GPHN: variants seen among roughly 807,000 people sequenced by gnomAD.
GPHN encodes gephyrin.
In GPHN, 17 loss-of-function variants were observed where a neutral mutation model predicts 95.5. That is an observed-to-expected ratio of 0.18 (90% CI 0.12 to 0.27). The LOEUF (loss-of-function observed/expected upper bound fraction) is 0.27. GPHN is among the 10% of genes least tolerant of loss of function. The probability of loss-of-function intolerance (pLI) is 1.00; values close to 1 mark genes in which losing one functional copy is unlikely to be tolerated. For missense variants in GPHN, 660 were observed against 978.1 expected (o/e 0.67, Z 4.34); for synonymous variants, 320 against 322.5 (o/e 0.99, Z 0.08).
chr14:66,941,783 A>G (rs1352060079), intron 8 of GPHN, among the ~76,000 whole-genome samples: 1 of 152,174 alleles, frequency 6.6e-6, no homozygotes, highest in Non-Finnish European at 1.5e-5. Context: ...GAAGTTAAGA[A>G]TACTCACAGA....
At chr14:67,551,584 TC>T in the GPHN span, among the ~76,000 whole-genome samples, 4 of 152,116 alleles carry the variant, frequency 2.6e-5, no homozygotes, top group African/African-American at 9.7e-5. Context: ...TGCCATTCTC[TC>T]CCGTGGGTGC....
chr14:67,678,376 A>G, the GPHN span: 4 of 1,614,118 alleles, frequency 2.5e-6, no homozygotes, highest in Admixed American at 3.3e-5. Flanking sequence ...CCGCCTTGCT[A>G]TAGTCTCATT....
At chr14:67,279,054 G>T in the GPHN span, 14 of 941,948 alleles carry the variant, frequency 1.5e-5, no homozygotes, top group Admixed American at 3.5e-5. Flanking sequence ...GCATTATTAT[G>T]TGATGTGAGA....
the GPHN span, among the ~76,000 whole-genome samples, chr14:67,614,511 T>C: frequency 6.6e-6 from 1 of 151,996 alleles, no homozygotes; most frequent in Non-Finnish European, 1.5e-5. Flanking sequence ...ATGCCTGTAA[T>C]CTCAGTTTTG....
At chr14:67,002,959 G>A (rs2072341986) in intron 9 of GPHN, among the ~76,000 whole-genome samples, 1 of 151,592 alleles carries the variant, frequency 6.6e-6, no homozygotes, top group Admixed American at 6.6e-5. Context: ...AACTTAACCT[G>A]ACATCAGCAC....
At chr14:67,163,140 A>G (rs1053763127) in intron 19 of GPHN, among the ~76,000 whole-genome samples, 6 of 152,072 alleles carry the variant, frequency 3.9e-5, no homozygotes, top group African/African-American at 4.8e-5. Context: ...CCTCATCTCT[A>G]TTAAAAATAA....
At chr14:67,073,840 T>C (rs1427418330) in intron 11 of GPHN, among the ~76,000 whole-genome samples, 1 of 152,228 alleles carries the variant, frequency 6.6e-6, no homozygotes. Flanking sequence ...GAAAGCTATG[T>C]ATTTTATAAG....
chr14:67,670,567 C>A, the GPHN span, among the ~76,000 whole-genome samples: 1 of 148,152 alleles, frequency 6.7e-6, no homozygotes, highest in Non-Finnish European at 1.5e-5. Context: ...GGTTTGTTAC[C>A]TTTTTTTTTT....
At chr14:66,747,463 A>G (rs1281836698) in intron 2 of GPHN, among the ~76,000 whole-genome samples, 1 of 152,140 alleles carries the variant, frequency 6.6e-6, no homozygotes, top group African/African-American at 2.4e-5. Flanking sequence ...TATAAATTAG[A>G]TGTTAATTCA....
At chr14:67,577,132 A>G in the GPHN span, among the ~76,000 whole-genome samples, 1 of 152,204 alleles carries the variant, frequency 6.6e-6, no homozygotes, top group Admixed American at 6.5e-5. Flanking sequence ...TGCTCATTGC[A>G]GTGCCCACCT....
chr14:67,112,692 T>G (rs2078447189), intron 15 of GPHN, among the ~76,000 whole-genome samples: 1 of 152,194 alleles, frequency 6.6e-6, no homozygotes, highest in Non-Finnish European at 1.5e-5. Flanking sequence ...CAATTGGTAT[T>G]TTTACTATAA....
chr14:67,693,095 G>A, the GPHN span: 14 of 1,388,438 alleles, frequency 1.0e-5, no homozygotes, highest in East Asian at 1.9e-4. Flanking sequence ...TCATTCTACT[G>A]TCTCAGCCAG....
intron 10 of GPHN, among the ~76,000 whole-genome samples, chr14:67,047,578 G>A (rs1055033589): frequency 6.6e-6 from 1 of 152,066 alleles, no homozygotes; most frequent in African/African-American, 2.4e-5. Flanking sequence ...GTTACCCAGA[G>A]TGGTCTCAAA....
At chr14:67,232,252 G>A in the GPHN span, among the ~76,000 whole-genome samples, 1 of 152,202 alleles carries the variant, frequency 6.6e-6, no homozygotes, top group Admixed American at 6.5e-5. Flanking sequence ...GTGGAAGCCA[G>A]CTGTCACATC....
At chr14:66,665,317 A>T (rs537966057) in intron 1 of GPHN, among the ~76,000 whole-genome samples, 1 of 152,354 alleles carries the variant, frequency 6.6e-6, no homozygotes, top group Admixed American at 6.5e-5. Context: ...CAGGCAACCT[A>T]CAGAATGGGA....
At chr14:66,833,492 T>A (rs1043918730) in intron 4 of GPHN, among the ~76,000 whole-genome samples, 1 of 152,148 alleles carries the variant, frequency 6.6e-6, no homozygotes, top group African/African-American at 2.4e-5. Context: ...ATTCAGAGAT[T>A]CCTTGGAAAC....
At chr14:67,383,453 C>CA in the GPHN span, 1 of 1,612,026 alleles carries the variant, frequency 6.2e-7, no homozygotes, top group Non-Finnish European at 8.5e-7. Context: ...TTGTGGGAAA[C>CA]AGAGTCCAAT....
the GPHN span, among the ~76,000 whole-genome samples, chr14:67,610,317 C>A: frequency 6.6e-6 from 1 of 152,046 alleles, no homozygotes; most frequent in Admixed American, 6.6e-5. Flanking sequence ...AGTGCAGAGG[C>A]CAAGATAACT....
chr14:66,783,879 A>G (rs2059685599), intron 3 of GPHN, among the ~76,000 whole-genome samples: 2 of 152,208 alleles, frequency 1.3e-5, no homozygotes, highest in Admixed American at 1.3e-4. Context: ...CATGTCCATA[A>G]GGCCCTTGTG....
Sources: allele counts gnomAD v4.1 joint callset (sites outside exome capture counted in the v4.1 genomes callset), GRCh38; gene constraint gnomAD v4.1.1; transcripts MANE v1.5; gene names NCBI Gene and HGNC (gene_info 2026-07-23, HGNC 2026-07-21).